Variants in GTF2E2 observed in about 807,000 individuals in gnomAD.
GTF2E2 encodes the protein general transcription factor IIE subunit 2, also known as transcription initiation factor IIE subunit beta.
GTF2E2 carries 21 observed loss-of-function variants against 40.5 expected under a neutral mutation model. The observed-to-expected ratio is 0.52, with a 90% CI of 0.37 to 0.75. GTF2E2 has a LOEUF of 0.75. Among genes scored for constraint, GTF2E2 ranks in the 30% least tolerant of loss-of-function variants. GTF2E2 has a pLI of 0.00. For synonymous variants in GTF2E2, 117 were observed against 121.6 expected, an observed-to-expected ratio of 0.96 and a Z score of 0.25; for missense variants, 298 against 338.4, an observed-to-expected ratio of 0.88 and a Z score of 0.94.
chr8:30,611,028 T>C (rs1458415269), intron 5 of GTF2E2, among the ~76,000 whole-genome samples: 1 of 152,226 alleles, frequency 6.6e-6, no homozygotes, highest in African/African-American at 2.4e-5. Context: ...AAAATCCTGT[T>C]GCAAGTACAA....
chr8:30,646,383 A>G (rs1359483521), intron 2 of GTF2E2, among the ~76,000 whole-genome samples: 1 of 151,724 alleles, frequency 6.6e-6, no homozygotes, highest in African/African-American at 2.4e-5. Context: ...GTCAAAAGAT[A>G]GGGCCACTCA....
At chr8:30,595,074 T>C (rs2151115093) in intron 6 of GTF2E2, among the ~76,000 whole-genome samples, 1 of 152,342 alleles carries the variant, frequency 6.6e-6, no homozygotes, top group Admixed American at 6.5e-5. Flanking sequence ...TGATTCCATT[T>C]TATCTCCACT....
chr8:30,620,694 G>A (rs1002980699), intron 3 of GTF2E2, among the ~76,000 whole-genome samples: 7 of 105,050 alleles, frequency 6.7e-5, no homozygotes, highest in Non-Finnish European at 1.3e-4. Flanking sequence ...GGAGGCTGAC[G>A]TGGGTGAATC....
Position 30,578,745 on chromosome 8 carries a change from A to AG in GTF2E2, c.*175dup. 1.9e-6 allele frequency: 1 copy of AG among 537,906 alleles called. No homozygotes were observed. The highest frequency in any genetic ancestry group is 2.2e-5 in the South Asian group (1 of 46,326). 33.3% of individuals were successfully genotyped at this position (537,906 alleles called of 1,614,324 possible). A position where few individuals can be genotyped will look rare whatever the true frequency, so the allele number is the denominator to read the frequency against. ...AACAGGGAACATCACATTGCCCATG[A>AG]GCCCATTCTACTCAAATAAGCTTTG... On this transcript the variant is annotated 3_prime_UTR_variant, in exon 8 of 8. Transcript: ENST00000355904.
intron 5 of GTF2E2, among the ~76,000 whole-genome samples, chr8:30,608,873 C>T (rs545756201): frequency 6.6e-6 from 1 of 152,158 alleles, no homozygotes; most frequent in Non-Finnish European, 1.5e-5. Flanking sequence ...CTCAGCCTCC[C>T]GAGTAGCTGG....
At chr8:30,613,591 G>A (rs1338336614) in intron 4 of GTF2E2, among the ~76,000 whole-genome samples, 1 of 152,148 alleles carries the variant, frequency 6.6e-6, no homozygotes, top group Non-Finnish European at 1.5e-5. Flanking sequence ...GAATTCTCAA[G>A]GTTAGCTAAA....
intron 6 of GTF2E2, chr8:30,597,215 A>T (rs900824631): frequency 6.6e-6 from 1 of 152,184 alleles, no homozygotes; most frequent in African/African-American, 2.4e-5. Context: ...GTCCCTCGCC[A>T]AGGACGAAAG....
At chr8:30,580,518 A>G (rs1828487786) in intron 6 of GTF2E2, 122 bp from the exon 7 acceptor site, 1 of 650,110 alleles carries the variant, frequency 1.5e-6, no homozygotes, top group African/African-American at 1.8e-5. Context: ...ATATGTCATC[A>G]TGAAACAAGT....
intron 3 of GTF2E2, among the ~76,000 whole-genome samples, chr8:30,627,354 G>C (rs1801309540): frequency 6.7e-6 from 1 of 149,556 alleles, no homozygotes; most frequent in Non-Finnish European, 1.5e-5. Flanking sequence ...CTTCATATCT[G>C]GAAACAAGAA....
chr8:30,653,391 A>T, intron 2 of GTF2E2, 42 bp downstream of exon 2: 1 of 1,499,360 alleles, frequency 6.7e-7, no homozygotes, highest in Middle Eastern at 1.8e-4. Context: ...CCTCCTGAAT[A>T]ATCTGAATAA....
rs557728802 is a variant in GTF2E2, at chr8:30,624,710, C to T, written c.259-9995G>A. ...CATTGAGCAGTGGTTTGTAGTTCTC[C>T]TTGAAGAGGTCCTTCACATCCCTTG... On this transcript the variant is annotated intron_variant, in intron 3 of 7. Coordinates refer to ENST00000355904, the MANE Select transcript of GTF2E2 (RefSeq NM_002095.6). Among the ~76,000 whole-genome samples the T allele has an allele frequency of 2.1e-3, 314 of 152,066 alleles. 4 individuals carry two copies. Among genetic ancestry groups the T allele is most frequent in the African/African-American group, 7.4e-3 (306 of 41,436 alleles).
chr8:30,610,586 G>A (rs1174656945), intron 5 of GTF2E2, among the ~76,000 whole-genome samples: 1 of 151,924 alleles, frequency 6.6e-6, no homozygotes, highest in Non-Finnish European at 1.5e-5. Context: ...CCAAGACTAA[G>A]ACTATTCAAT....
intron 2 of GTF2E2, among the ~76,000 whole-genome samples, chr8:30,640,051 C>T (rs565772525): frequency 3.3e-5 from 5 of 152,314 alleles, no homozygotes; most frequent in African/African-American, 1.2e-4. Context: ...CTACCACCCA[C>T]ATTGTTTTAA....
intron 3 of GTF2E2, among the ~76,000 whole-genome samples, chr8:30,630,861 A>C (rs1458141346): frequency 6.6e-6 from 1 of 152,156 alleles, no homozygotes; most frequent in East Asian, 1.9e-4. Flanking sequence ...ATCTATCATA[A>C]TCTGTGAGCA....
At chr8:30,580,895 C>A (rs1289165342) in intron 6 of GTF2E2, among the ~76,000 whole-genome samples, 1 of 152,072 alleles carries the variant, frequency 6.6e-6, no homozygotes, top group Non-Finnish European at 1.5e-5. Flanking sequence ...ACTAAGGAGG[C>A]ATGAAAGGGA....
At chr8:30,601,494 C>T (rs1345491395) in intron 6 of GTF2E2, among the ~76,000 whole-genome samples, 1 of 152,092 alleles carries the variant, frequency 6.6e-6, no homozygotes, top group African/African-American at 2.4e-5. Flanking sequence ...TCTAAACAAG[C>T]CAAGGATGCT....
chr8:30,611,521 A>G (rs1372196150), intron 5 of GTF2E2, among the ~76,000 whole-genome samples: 2 of 152,326 alleles, frequency 1.3e-5, no homozygotes, highest in East Asian at 3.9e-4. Flanking sequence ...ATTTACAAAG[A>G]AAGACTAGAA....
chr8:30,635,475 C>T (rs763796883), intron 2 of GTF2E2, among the ~76,000 whole-genome samples: 4 of 152,082 alleles, frequency 2.6e-5, no homozygotes, highest in Non-Finnish European at 4.4e-5. Context: ...CTCAACTTCC[C>T]AGGCTCAGGT....
chr8:30,628,497 T>G (rs1801348719), intron 3 of GTF2E2, among the ~76,000 whole-genome samples: 2 of 152,256 alleles, frequency 1.3e-5, no homozygotes, highest in Non-Finnish European at 2.9e-5. Context: ...GGTATAGCAA[T>G]TCTTTGCATG....
Sources: allele counts gnomAD v4.1 joint callset (sites outside exome capture counted in the v4.1 genomes callset), GRCh38; gene constraint gnomAD v4.1.1; transcripts MANE v1.5; gene names NCBI Gene and HGNC (gene_info 2026-07-23, HGNC 2026-07-21).